ASIP: variants seen among roughly 807,000 people sequenced by gnomAD.
The protein encoded by ASIP is agouti-signaling protein.
In ASIP, 11 loss-of-function variants were observed where a neutral mutation model predicts 10.3. The ratio of observed to expected loss-of-function variants is 1.07; its 90% CI spans 0.68 to 1.78. ASIP has a LOEUF of 1.78. ASIP is among the 40% of genes most tolerant of loss of function. The probability of loss-of-function intolerance (pLI) is 0.00; values close to 1 mark genes in which losing one functional copy is unlikely to be tolerated. For missense variants in ASIP, 180 were observed against 169.2 expected (o/e 1.06, Z -0.35); for synonymous variants, 70 against 70.8 (o/e 0.99, Z 0.06).
chr20:34,240,346 C>T (rs917147985), upstream of ASIP, among the ~76,000 whole-genome samples: 17 of 152,122 alleles, frequency 1.1e-4, no homozygotes, highest in African/African-American at 3.9e-4. Flanking sequence ...GTGCTTCTTC[C>T]CTCCTGGTCC....
At chr20:34,188,396 T>C in the ASIP span, among the ~76,000 whole-genome samples, 2 of 152,212 alleles carry the variant, frequency 1.3e-5, no homozygotes, top group African/African-American at 2.4e-5. Flanking sequence ...AAGCATAAGA[T>C]TATCACATCA....
At chr20:34,247,557 A>C (rs2035400656) in intron 1 of ASIP, among the ~76,000 whole-genome samples, 3 of 151,998 alleles carry the variant, frequency 2.0e-5, no homozygotes. Flanking sequence ...TCAGCCTCCC[A>C]AAGTGCTAGG....
chr20:34,213,794 G>A, intron 1 of ASIP: 1 of 1,506,622 alleles, frequency 6.6e-7, no homozygotes, highest in Non-Finnish European at 9.2e-7. Context: ...GGACAACTGA[G>A]GGCCAGCAAG....
intron 1 of ASIP, among the ~76,000 whole-genome samples, chr20:34,212,011 C>T (rs1330729887): frequency 6.6e-6 from 1 of 152,120 alleles, no homozygotes; most frequent in African/African-American, 2.4e-5. Flanking sequence ...TCTCTCTTAT[C>T]CTTCTAAGAT....
At chr20:34,247,300 CTTT>C (rs201908221) in intron 1 of ASIP, among the ~76,000 whole-genome samples, 7 of 120,646 alleles carry the variant, frequency 5.8e-5, no homozygotes, top group Admixed American at 1.7e-4. Flanking sequence ...TTATATGATG[CTTT>C]TTTTTTTTTT....
At chr20:34,203,737 T>C (rs886297983) in intron 1 of ASIP, among the ~76,000 whole-genome samples, 1 of 152,032 alleles carries the variant, frequency 6.6e-6, no homozygotes, top group Non-Finnish European at 1.5e-5. Flanking sequence ...TTATTTATTT[T>C]TTGAGATGGA....
intron 1 of ASIP, among the ~76,000 whole-genome samples, chr20:34,226,422 G>A (rs1269899218): frequency 6.6e-6 from 1 of 151,908 alleles, no homozygotes. Context: ...GCACGACTTT[G>A]GCTCACTGCA....
At chr20:34,238,047 G>A (rs116318727), upstream of ASIP, among the ~76,000 whole-genome samples, 1,130 of 152,222 alleles carry the variant, frequency 7.4e-3, 14 homozygotes, top group African/African-American at 0.026. Flanking sequence ...GTGATGAGTC[G>A]CATCTCTCTT....
chr20:34,213,495 C>T, intron 1 of ASIP: 1 of 1,421,462 alleles, frequency 7.0e-7, no homozygotes, highest in Non-Finnish European at 9.6e-7. Flanking sequence ...AAAAGTCTGT[C>T]TCTAAAGCAG....
At chr20:34,268,903 C>T (rs2122688322) in intron 3 of ASIP, 88 bp from the exon 4 acceptor site, 1 of 1,491,884 alleles carries the variant, frequency 6.7e-7, no homozygotes, top group East Asian at 2.5e-5. Flanking sequence ...GGTCCGGGAT[C>T]TCCCTAGCCC....
At chr20:34,266,686 C>T (rs1039994054) in intron 3 of ASIP, among the ~76,000 whole-genome samples, 2 of 151,988 alleles carry the variant, frequency 1.3e-5, no homozygotes, top group Non-Finnish European at 1.5e-5. Flanking sequence ...AACAAACAAA[C>T]AAACAAACAA....
intron 1 of ASIP, among the ~76,000 whole-genome samples, chr20:34,227,457 C>T (rs2035100667): frequency 1.3e-5 from 2 of 151,810 alleles, no homozygotes; most frequent in Non-Finnish European, 2.9e-5. Context: ...ATGGTGAAAC[C>T]CCATCTCTAC....
At chr20:34,251,855 T>C (rs1204292743) in intron 1 of ASIP, among the ~76,000 whole-genome samples, 10 of 152,042 alleles carry the variant, frequency 6.6e-5, no homozygotes, top group Admixed American at 6.5e-4. Context: ...TATGAAGAAA[T>C]AGGCCCTCAC....
chr20:34,257,110 G>A (rs1393213470), intron 1 of ASIP, among the ~76,000 whole-genome samples: 5 of 137,734 alleles, frequency 3.6e-5, no homozygotes, highest in Admixed American at 2.3e-4. Flanking sequence ...TTTTGAGACA[G>A]TTTCCCTCTT....
intron 1 of ASIP, chr20:34,213,622 T>G (rs554560112): frequency 6.4e-7 from 1 of 1,566,168 alleles, no homozygotes; most frequent in African/African-American, 1.4e-5. Flanking sequence ...GGCCGTAATC[T>G]GGTTGATAAG....
chr20:34,268,294 C>A (rs933529817), intron 3 of ASIP, among the ~76,000 whole-genome samples: 4 of 152,126 alleles, frequency 2.6e-5, no homozygotes, highest in Non-Finnish European at 4.4e-5. Context: ...CTGCTGGGTT[C>A]CTGCAGCAGG....
chr20:34,235,929 AGCGGG>A (rs2035196375), intron 1 of ASIP, among the ~76,000 whole-genome samples: 3 of 85,234 alleles, frequency 3.5e-5, no homozygotes, highest in Non-Finnish European at 5.7e-5. Context: ...GAAGGAAGGA[AGCGGG>A]AGGGAGGGAA....
Position 34,232,340 on chromosome 20 carries a change from C to T in ASIP, c.-10-28025C>T, listed in dbSNP as rs117383366. Among the ~76,000 whole-genome samples the T allele has an allele frequency of 2.9e-4, 44 of 152,266 alleles. No individual in the cohort carries two copies. The East Asian group carries it at 7.2e-3, about 25-fold the overall frequency. ...AGACTCATGGCAGAATGTCTCTCAA[C>T]AGCATCCACCGTCAGTTCTACATCA... On this transcript the variant is annotated intron_variant, in intron 1 of 3. Coordinates refer to the ASIP transcript ENST00000568305.
intron 1 of ASIP, among the ~76,000 whole-genome samples, chr20:34,223,256 T>TG (rs1028180338): frequency 8.9e-5 from 13 of 146,256 alleles, no homozygotes; most frequent in Non-Finnish European, 1.8e-4. Flanking sequence ...TCGTCTGAGA[T>TG]GTGGGGAGCG....
Sources: allele counts gnomAD v4.1 joint callset (sites outside exome capture counted in the v4.1 genomes callset), GRCh38; gene constraint gnomAD v4.1.1; transcripts MANE v1.5; gene names NCBI Gene and HGNC (gene_info 2026-07-23, HGNC 2026-07-21).